The following KCNT2 variants were observed in gnomAD, a reference collection of about 807,000 sequenced individuals.
KCNT2 encodes the protein potassium channel subfamily T member 2.
Under a neutral mutation model 153.8 loss-of-function variants are expected in KCNT2, and 67 were observed. The observed-to-expected ratio is 0.44, with a 90% CI of 0.36 to 0.53. KCNT2 has a LOEUF of 0.53. Among genes scored for constraint, KCNT2 ranks in the 20% least tolerant of loss-of-function variants. KCNT2 has a pLI of 0.00. For missense variants in KCNT2, 975 were observed against 1,354.8 expected, an observed-to-expected ratio of 0.72 and a Z score of 4.40; for synonymous variants, 500 against 458.8, an observed-to-expected ratio of 1.09 and a Z score of -1.15.
At chr1:196,326,392 G>A (rs1435175572) in intron 19 of KCNT2, among the ~76,000 whole-genome samples, 1 of 151,916 alleles carries the variant, frequency 6.6e-6, no homozygotes, top group Non-Finnish European at 1.5e-5. Context: ...GCAGAGATTT[G>A]TCAGGCTAGT....
At chr1:196,244,062 C>A (rs1655202426) in intron 26 of KCNT2, among the ~76,000 whole-genome samples, 1 of 152,034 alleles carries the variant, frequency 6.6e-6, no homozygotes, top group Non-Finnish European at 1.5e-5. Flanking sequence ...GCTCTAGCTC[C>A]CAGATGACAT....
chr1:196,297,886 ATG>A (rs1286033267), intron 22 of KCNT2, among the ~76,000 whole-genome samples: 1 of 152,084 alleles, frequency 6.6e-6, no homozygotes, highest in African/African-American at 2.4e-5. Flanking sequence ...TATAAATTCT[ATG>A]TGGTTTATTC....
At chr1:196,390,305 T>C (rs1255164321) in intron 13 of KCNT2, among the ~76,000 whole-genome samples, 1 of 151,568 alleles carries the variant, frequency 6.6e-6, no homozygotes, top group East Asian at 1.9e-4. Context: ...CATATTCTGG[T>C]GTTAAATAGA....
chr1:196,233,168 T>G lies in KCNT2; in HGVS notation c.3296+2818A>C, dbSNP rs1258777035. On this transcript the variant is annotated intron_variant, in intron 27 of 27. Transcript: ENST00000294725. ...CATAAATAAGATGTTTTCCTCTAATTGAAGTCCTTTATAAATTCAATATCA... is the reference window on the plus strand; with the variant it reads ...CATAAATAAGATGTTTTCCTCTAATGGAAGTCCTTTATAAATTCAATATCA... 2.0e-5 allele frequency among the ~76,000 whole-genome samples: 3 copies of G among 151,446 alleles called. No homozygotes were observed. In the East Asian group the frequency reaches 5.8e-4, roughly 29 times the overall value.
intron 8 of KCNT2, among the ~76,000 whole-genome samples, chr1:196,431,495 C>G (rs1026135438): frequency 6.6e-6 from 1 of 151,990 alleles, no homozygotes; most frequent in Non-Finnish European, 1.5e-5. Context: ...GAAATACCGA[C>G]GGTAACGGCC....
chr1:196,557,092 G>T (rs1245800674), intron 1 of KCNT2, among the ~76,000 whole-genome samples: 1 of 150,972 alleles, frequency 6.6e-6, no homozygotes, highest in African/African-American at 2.4e-5. Context: ...ACAAGAGGGG[G>T]TCTATAGTCA....
At chr1:196,345,261 T>C (rs61820889) in intron 14 of KCNT2, among the ~76,000 whole-genome samples, 12,634 of 152,214 alleles carry the variant, frequency 0.083, 768 homozygotes, top group Non-Finnish European at 0.13. Context: ...GGAGCTAATA[T>C]TTTAGCAGGT....
chr1:196,256,054 T>A (rs749117617), intron 26 of KCNT2, among the ~76,000 whole-genome samples: 2 of 151,998 alleles, frequency 1.3e-5, no homozygotes, highest in Non-Finnish European at 2.9e-5. Context: ...ATTTCATAGT[T>A]GAGTTTTCAC....
chr1:196,465,712 G>A (rs1371239099), intron 7 of KCNT2, among the ~76,000 whole-genome samples: 2 of 151,574 alleles, frequency 1.3e-5, no homozygotes, highest in Admixed American at 1.3e-4. Context: ...GAACTTTTAT[G>A]GAAAATCCTA....
chr1:196,337,459 A>C (rs1009628268), intron 16 of KCNT2, among the ~76,000 whole-genome samples: 34 of 152,070 alleles, frequency 2.2e-4, no homozygotes, highest in African/African-American at 8.2e-4. Flanking sequence ...CCTTGCAATA[A>C]TTCCCACTTC....
chr1:196,326,963 G>A (rs1558148973), intron 18 of KCNT2, 74 bp from the exon 19 acceptor site: 4 of 798,976 alleles, frequency 5.0e-6, no homozygotes, highest in Non-Finnish European at 7.9e-6. Context: ...TTAAGCTATA[G>A]GAAAATGTAA....
intron 8 of KCNT2, among the ~76,000 whole-genome samples, chr1:196,435,139 G>GTATATATATATATATA (rs1166021273): frequency 4.4e-5 from 2 of 45,722 alleles, no homozygotes; most frequent in African/African-American, 8.8e-5. Context: ...GTGTGTGTAT[G>GTATATATATATATATA]TATATATATA....
At chr1:196,551,659 T>C (rs1657921771) in intron 1 of KCNT2, among the ~76,000 whole-genome samples, 2 of 151,654 alleles carry the variant, frequency 1.3e-5, no homozygotes, top group Admixed American at 1.3e-4. Context: ...AGAATACATC[T>C]CATTAGGATA....
chr1:196,501,452 G>A (rs1470900215), intron 1 of KCNT2, among the ~76,000 whole-genome samples: 1 of 152,116 alleles, frequency 6.6e-6, no homozygotes, highest in Non-Finnish European at 1.5e-5. Context: ...CAACATGAAT[G>A]GAACTGTAGG....
At chr1:196,600,508 T>C (rs190511404) in intron 1 of KCNT2, among the ~76,000 whole-genome samples, 2 of 44,144 alleles carry the variant, frequency 4.5e-5, no homozygotes, top group African/African-American at 1.5e-4. Flanking sequence ...TCACTATCAG[T>C]GATTGTTTTA....
At chr1:196,471,770 A>C (rs1186845475) in intron 5 of KCNT2, among the ~76,000 whole-genome samples, 1 of 152,116 alleles carries the variant, frequency 6.6e-6, no homozygotes, top group Non-Finnish European at 1.5e-5. Flanking sequence ...TTAGCCTTTT[A>C]TGATTTTTAT....
chr1:196,355,112 T>C (rs934493045), intron 14 of KCNT2, among the ~76,000 whole-genome samples: 4 of 151,758 alleles, frequency 2.6e-5, no homozygotes, highest in Middle Eastern at 6.8e-3. Context: ...CACATAACTA[T>C]GTATTATATG....
At chr1:196,513,061 C>A (rs1681764096) in intron 1 of KCNT2, among the ~76,000 whole-genome samples, 1 of 152,116 alleles carries the variant, frequency 6.6e-6, no homozygotes, top group South Asian at 2.1e-4. Context: ...CCATGCCTAT[C>A]CTTTCTTCTC....
At chr1:196,466,554 A>T (rs1022685066) in intron 7 of KCNT2, among the ~76,000 whole-genome samples, 1 of 152,104 alleles carries the variant, frequency 6.6e-6, no homozygotes, top group Non-Finnish European at 1.5e-5. Context: ...TTTTCAATGC[A>T]GTAAAATTAA....
Sources: gnomAD v4.1 joint callset for allele counts (sites outside exome capture counted in the v4.1 genomes callset) on GRCh38, gnomAD v4.1.1 for gene constraint, MANE v1.5 for transcripts, NCBI Gene and HGNC (gene_info 2026-07-23, HGNC 2026-07-21) for gene names.